The following STK31 variants were observed in gnomAD, a reference collection of about 807,000 sequenced individuals.
STK31 encodes the protein serine/threonine kinase 31.
A neutral mutation model predicts 129.7 loss-of-function variants in STK31; 89 were observed. The observed-to-expected ratio is 0.69, with a 90% CI of 0.58 to 0.82. The LOEUF (loss-of-function observed/expected upper bound fraction) is 0.82, where lower values mean the gene tolerates loss of function less well. Ranked by LOEUF, STK31 falls within the 40% of genes least tolerant of loss-of-function variation. STK31 has a pLI of 0.00. For missense variants in STK31, 1,187 were observed against 1,176.4 expected (o/e 1.01, Z -0.13); for synonymous variants, 448 against 395.3 (o/e 1.13, Z -1.58).
intron 4 of STK31, chr7:23,722,157 G>C (rs747200150): frequency 4.3e-4 from 66 of 152,944 alleles, no homozygotes; most frequent in Non-Finnish European, 7.0e-4. Flanking sequence ...GAGGCGCTCT[G>C]ATTTTTAGAA....
At chr7:23,793,373 C>G (rs1192918962) in intron 22 of STK31, among the ~76,000 whole-genome samples, 1 of 152,066 alleles carries the variant, frequency 6.6e-6, no homozygotes, top group African/African-American at 2.4e-5. Context: ...AACATCAACT[C>G]TAAAAGAAAA....
intron 22 of STK31, among the ~76,000 whole-genome samples, chr7:23,802,458 G>T (rs770936131): frequency 6.6e-6 from 1 of 152,150 alleles, no homozygotes; most frequent in Non-Finnish European, 1.5e-5. Flanking sequence ...ATGTAAAGAG[G>T]CTTGGGGGAA....
chr7:23,798,812 G>A (rs531649738), intron 22 of STK31, among the ~76,000 whole-genome samples: 1 of 152,330 alleles, frequency 6.6e-6, no homozygotes, highest in African/African-American at 2.4e-5. Flanking sequence ...AAGTCTGTCT[G>A]TGTGCAGATG....
intron 8 of STK31, among the ~76,000 whole-genome samples, chr7:23,751,171 C>T (rs2128091933): frequency 6.6e-6 from 1 of 152,228 alleles, no homozygotes; most frequent in Admixed American, 6.5e-5. Flanking sequence ...GAATGACATC[C>T]AGTTCCATCC....
chr7:23,800,505 T>G (rs887627875), intron 22 of STK31, among the ~76,000 whole-genome samples: 1 of 152,020 alleles, frequency 6.6e-6, no homozygotes, highest in Non-Finnish European at 1.5e-5. Context: ...TACCTCATGT[T>G]CTCACTCATA....
In STK31 at chr7:23,729,049, A is replaced by G. The variant is rs200974292; in HGVS notation, c.325-42A>G. 1.1e-4 allele frequency: 167 copies of G among 1,505,790 alleles called. 1 individual carries two copies. The African/African-American group carries it at 2.2e-3, about 20-fold the overall frequency. The allele number at this position is 1,505,790 out of a possible 1,614,324, so 93.3% of individuals were successfully genotyped here. ...ATTGGTGGTTTCTTTGGAAACATTT[A>G]ATCTGGGGTCAGTATTCGTATTTGT... On this transcript the variant is annotated intron_variant, in intron 5 of 23. Transcript: ENST00000355870.
chr7:23,774,088 A>G (rs564029874), intron 15 of STK31, among the ~76,000 whole-genome samples: 1 of 152,110 alleles, frequency 6.6e-6, no homozygotes, highest in Admixed American at 6.5e-5. Flanking sequence ...AGTTGCATCC[A>G]TGTCCCTGCA....
In STK31 at chr7:23,717,516, T is replaced by C; in HGVS notation, c.186T>C (p.Gly62=). The C allele has an allele frequency of 6.2e-7, 1 of 1,613,122 alleles. No individual in the cohort carries two copies. The highest frequency in any genetic ancestry group is 2.2e-5 in the East Asian group (1 of 44,806). Residue 62 remains glycine (G), a synonymous_variant, in exon 4 of 24, where the codon GGT becomes GGC. Coordinates refer to ENST00000355870, the MANE Select transcript of STK31 (RefSeq NM_031414.5). ...INRNKDIMKI[G]CSLSEVCPQA... is the part of the protein sequence containing the mutation. The stretch of plus-strand genomic sequence containing the variant: ...GAAATAAGGATATCATGAAGATTGG[T>C]TGCTCACTGTCTGAAGTTTGCCCCC...
intron 1 of STK31, 102 bp from the exon 2 acceptor site, chr7:23,711,997 C>A: frequency 1.0e-6 from 1 of 968,372 alleles, no homozygotes. Flanking sequence ...TTGATAACTG[C>A]ATTTAGGACA....
At chr7:23,773,734 AGTGTGTGTGTGT>A (rs58341131) in intron 15 of STK31, among the ~76,000 whole-genome samples, 3 of 130,116 alleles carry the variant, frequency 2.3e-5, no homozygotes, top group African/African-American at 1.0e-4. Context: ...TGTGTGTGTG[AGTGTGTGTGTGT>A]GTGTGTGTGT....
intron 3 of STK31, among the ~76,000 whole-genome samples, chr7:23,714,205 G>A (rs927744966): frequency 1.3e-5 from 2 of 152,150 alleles, no homozygotes; most frequent in African/African-American, 4.8e-5. Flanking sequence ...GGGCAAATTC[G>A]TGTGTCTGCT....
At chr7:23,727,866 A>G (rs77364240) in intron 5 of STK31, among the ~76,000 whole-genome samples, 2,103 of 151,938 alleles carry the variant, frequency 0.014, 55 homozygotes, top group African/African-American at 0.048. Flanking sequence ...AGCCTGCCTC[A>G]GATCTTAATA....
intron 18 of STK31, 150 bp downstream of exon 18, chr7:23,785,753 A>G: frequency 9.5e-7 from 1 of 1,051,634 alleles, no homozygotes; most frequent in African/African-American, 1.6e-5. Context: ...TTTGGTTGCC[A>G]GAACTAATTT....
rs376612079 is a variant in STK31, at chr7:23,762,952, G to T, written c.1416+29G>T. ...GGAATTAAAAATATATTAAATATAC[G>T]TTAAATTGTAAGTTTATTTAAGAAG... On this transcript the variant is annotated intron_variant, in intron 11 of 23. Transcript: ENST00000355870. The T allele has an allele frequency of 5.4e-6, 8 of 1,494,654 alleles. No individual in the cohort carries two copies. The Admixed American group carries it at 1.1e-4, about 21-fold the overall frequency. 92.6% of individuals were successfully genotyped at this position (1,494,654 alleles called of 1,614,324 possible).
chr7:23,747,460 C>T (rs972492936), intron 8 of STK31, among the ~76,000 whole-genome samples: 2 of 152,122 alleles, frequency 1.3e-5, no homozygotes, highest in African/African-American at 4.8e-5. Context: ...AGCCCCACCT[C>T]CTGGGTTCAC....
chr7:23,714,311 T>G (rs2128060122), intron 3 of STK31, among the ~76,000 whole-genome samples: 1 of 152,364 alleles, frequency 6.6e-6, no homozygotes, highest in African/African-American at 2.4e-5. Flanking sequence ...TCTGTATTAG[T>G]GACAACTGCA....
chr7:23,782,349 G>A (rs1453040886), intron 16 of STK31, among the ~76,000 whole-genome samples: 1 of 151,434 alleles, frequency 6.6e-6, no homozygotes, highest in East Asian at 1.9e-4. Context: ...TCATGTACCT[G>A]TAGTCCCAGC....
At chr7:23,712,641 TGAA>T (rs999287223) in intron 3 of STK31, among the ~76,000 whole-genome samples, 1 of 152,176 alleles carries the variant, frequency 6.6e-6, no homozygotes, top group African/African-American at 2.4e-5. Flanking sequence ...GATTGTTTCT[TGAA>T]GGAGGATAAG....
intron 8 of STK31, among the ~76,000 whole-genome samples, chr7:23,749,306 A>G (rs1400415455): frequency 6.7e-6 from 1 of 149,302 alleles, no homozygotes; most frequent in African/African-American, 2.5e-5. Context: ...TTTGCCCTAG[A>G]GTATGCCTTG....
Sources: gnomAD v4.1 joint callset for allele counts (sites outside exome capture counted in the v4.1 genomes callset) on GRCh38, gnomAD v4.1.1 for gene constraint, MANE v1.5 for transcripts, NCBI Gene and HGNC (gene_info 2026-07-23, HGNC 2026-07-21) for gene names.